ZNF630: variants seen among roughly 807,000 people sequenced by gnomAD.
ZNF630 encodes the protein zinc finger protein 630.
ZNF630 carries 5 observed loss-of-function variants against 7.2 expected under a neutral mutation model. The ratio of observed to expected loss-of-function variants is 0.70; its 90% CI spans 0.36 to 1.46. ZNF630 has a LOEUF of 1.46. ZNF630 is among the 40% of genes most tolerant of loss of function. ZNF630 has a pLI of 0.03. For missense variants in ZNF630, 461 were observed against 477.0 expected (o/e 0.97, Z 0.31); for synonymous variants, 158 against 162.8 (o/e 0.97, Z 0.23).
intron 2 of ZNF630, among the ~76,000 whole-genome samples, chrX:48,063,920 A>G (rs2059118502): frequency 9.0e-6 from 1 of 110,883 alleles, no homozygotes; most frequent in Non-Finnish European, 1.9e-5. Flanking sequence ...TTTGAAAAAT[A>G]CTCTTTAAAT....
chrX:48,059,131 C>T lies in ZNF630; in HGVS notation c.1311G>A (p.Gly437=). 1.7e-6 allele frequency: 2 copies of T among 1,207,863 alleles called. No homozygotes were observed. Among genetic ancestry groups the T allele is most frequent in the Non-Finnish European group, 2.2e-6 (2 of 893,019 alleles). ...GGTGGGACTGTTGGCAGAAAGTTTTCCCACATTCACCACACTTATAGGGCT... is the reference window on the plus strand; with the variant it reads ...GGTGGGACTGTTGGCAGAAAGTTTTTCCACATTCACCACACTTATAGGGCT... ...GEKPYKCGEC[G]KTFCQQSHLI... is the part of the protein sequence containing the mutation. Residue 437 remains glycine, a synonymous_variant, in exon 5 of 5, where the codon GGG becomes GGA. Coordinates refer to ENST00000276054, the MANE Select transcript of ZNF630 (RefSeq NM_001282201.2).
chrX:48,065,497 G>GAGGAAGGA (rs1224208378), intron 2 of ZNF630, among the ~76,000 whole-genome samples: 2 of 103,385 alleles, frequency 1.9e-5, no homozygotes. Context: ...GGGAGGGAGG[G>GAGGAAGGA]AGGAAGGAAG....
chrX:48,062,665 C>T (rs1464120971), intron 2 of ZNF630, among the ~76,000 whole-genome samples: 3 of 111,655 alleles, frequency 2.7e-5, no homozygotes, highest in Admixed American at 9.5e-5. Flanking sequence ...ACCCAGGAGG[C>T]GGAGGATGCA....
At chrX:48,068,597 A>T (rs1413916712) in intron 1 of ZNF630, among the ~76,000 whole-genome samples, 1 of 111,505 alleles carries the variant, frequency 9.0e-6, no homozygotes, top group Non-Finnish European at 1.9e-5. Context: ...TTTTCCAATG[A>T]TAAAAAGTGT....
rs2059101000 is a variant in ZNF630, at chrX:48,060,631, T to C, written c.143-86A>G. The C allele has an allele frequency of 1.8e-5, 17 of 968,151 alleles. No homozygotes were observed. In the South Asian group the frequency reaches 3.0e-4, roughly 17 times the overall value. 79.8% of individuals were successfully genotyped at this position (968,151 alleles called of 1,213,427 possible). On this transcript the variant is annotated intron_variant, in intron 3 of 4. Transcript: ENST00000276054. ...CACTTGCAGGGGCCTCCCAGCAAAG[T>C]TGGATCCTTAACTCACACCATAACA...
intron 2 of ZNF630, among the ~76,000 whole-genome samples, chrX:48,065,552 G>A (rs888845801): frequency 4.6e-5 from 5 of 108,348 alleles, no homozygotes; most frequent in Admixed American, 9.9e-5. Context: ...ACTTGGTGGC[G>A]GGCACTTGTA....
Position 48,057,815 on chromosome X carries a change from G to A in ZNF630, c.*653C>T, listed in dbSNP as rs782601616. Among the ~76,000 whole-genome samples, 4 of 110,912 alleles carry A rather than the reference G, an allele frequency of 3.6e-5. No individual in the cohort carries two copies. The highest frequency in any genetic ancestry group is 7.6e-5 in the Non-Finnish European group (4 of 52,944). On this transcript the variant is annotated 3_prime_UTR_variant, in exon 5 of 5. Coordinates refer to ENST00000276054, the MANE Select transcript of ZNF630 (RefSeq NM_001282201.2). ...TCATGCCTGTAATCCCAGCACTTTG[G>A]GAAGCCGAAGTGGGTGGATCACCTG...
At chrX:48,068,213 GAA>G (rs2059141740) in intron 1 of ZNF630, among the ~76,000 whole-genome samples, 1 of 57,819 alleles carries the variant, frequency 1.7e-5, no homozygotes, top group East Asian at 1.9e-3. Context: ...GAAAAGAAAA[GAA>G]AAGAAAAAAG....
At position 48,071,329 on chromosome X, in the gene ZNF630, G is replaced by A. The variant is rs936228251; in HGVS notation, c.-238C>T. On this transcript the variant is annotated 5_prime_UTR_variant, in exon 1 of 5. Coordinates refer to ENST00000276054, the MANE Select transcript of ZNF630 (RefSeq NM_001282201.2). ...TGCCCAAATGCGTTCAACATCCCCC[G>A]AAAGGCCATTTCCCTTCCAGTCTTC... 5.4e-5 allele frequency: 6 copies of A among 110,727 alleles called. No individual in the cohort carries two copies. Among genetic ancestry groups the A allele is most frequent in the Non-Finnish European group, 9.5e-5 (5 of 52,872 alleles). 9.1% of individuals were successfully genotyped at this position (110,727 alleles called of 1,213,427 possible). A position where few individuals can be genotyped will look rare whatever the true frequency, so the allele number is the denominator to read the frequency against.
rs782573637 is a variant in ZNF630 at position 48,059,238 on chromosome X, G to C, written c.1204C>G (p.Pro402Ala). 12 of 1,208,443 alleles carry C rather than the reference G, an allele frequency of 9.9e-6. No individual in the cohort carries two copies. The highest frequency in any genetic ancestry group is 1.3e-5 in the Non-Finnish European group (12 of 893,183). Residue 402 changes from proline to alanine, a missense_variant, in exon 5 of 5, where the codon CCC (proline) becomes GCC (alanine). Physicochemically the swap from Pro to Ala is conservative, Grantham distance 27 (BLOSUM62 -1). Coordinates refer to ENST00000276054, the MANE Select transcript of ZNF630 (RefSeq NM_001282201.2). The stretch of plus-strand genomic sequence containing the variant: ...TTCCCACATTCAGTACATTCATAGG[G>C]CTTCTTCCCAGTATGAGTTATCTGG... ...IHQITHTGKK[P>A]YECTECGKTF...
chrX:48,061,646 G>A (rs1052246657), intron 2 of ZNF630: 2 of 206,294 alleles, frequency 9.7e-6, no homozygotes, highest in Non-Finnish European at 1.9e-5. Context: ...AAGTGAAGGA[G>A]GTGATTGAAT....
intron 2 of ZNF630, among the ~76,000 whole-genome samples, chrX:48,065,457 G>GAAAGAA (rs1556909921): frequency 0.042 from 3,127 of 74,751 alleles, 75 homozygotes; most frequent in Middle Eastern, 0.084. Context: ...AAGAAAGAAA[G>GAAAGAA]AGAGAGAGAG....
chrX:48,070,526 T>C (rs782114945), intron 1 of ZNF630, among the ~76,000 whole-genome samples: 5 of 105,699 alleles, frequency 4.7e-5, no homozygotes, highest in Non-Finnish European at 7.8e-5. Context: ...GGTAGGATAA[T>C]TGCTAGAACC....
intron 2 of ZNF630, among the ~76,000 whole-genome samples, chrX:48,065,903 A>T (rs2059128735): frequency 9.0e-6 from 1 of 111,465 alleles, no homozygotes; most frequent in African/African-American, 3.3e-5. Context: ...GATCATGATG[A>T]TGATGACGAT....
intron 1 of ZNF630, among the ~76,000 whole-genome samples, chrX:48,068,630 T>C (rs147461170): frequency 0.039 from 4,291 of 111,226 alleles, 85 homozygotes; most frequent in Middle Eastern, 0.074. Flanking sequence ...TCTTAGCTCA[T>C]GGCTGTATTT....
chrX:48,066,855 G>A lies in ZNF630; in HGVS notation c.15+17C>T, dbSNP rs1239540649. On this transcript the variant is annotated intron_variant, in intron 2 of 4. Coordinates refer to ENST00000276054, the MANE Select transcript of ZNF630 (RefSeq NM_001282201.2). ...CATTTTGTTGTGGGAAAACCAAGTGGCAAACAAATAACTTACCTGGGACTC... is the reference window on the plus strand; with the variant it reads ...CATTTTGTTGTGGGAAAACCAAGTGACAAACAAATAACTTACCTGGGACTC... The A allele has an allele frequency of 1.4e-5, 17 of 1,206,365 alleles. No individual in the cohort carries two copies. Among genetic ancestry groups the A allele is most frequent in the Non-Finnish European group, 1.9e-5 (17 of 891,998 alleles).
Position 48,067,333 on chromosome X carries a change from G to A in ZNF630, c.-175-272C>T, listed in dbSNP as rs370549741. Among the ~76,000 whole-genome samples, 211 of 112,078 alleles carry A rather than the reference G, an allele frequency of 1.9e-3. 1 individual carries two copies. The highest frequency in any genetic ancestry group is 9.2e-3 in the Middle Eastern group (2 of 217). ...ATCATGAAAGTTTGAACCCTGACTA[G>A]ATATTTGATAACATTAAGGAATTTA... On this transcript the variant is annotated intron_variant, in intron 1 of 4. Coordinates refer to ENST00000276054, the MANE Select transcript of ZNF630 (RefSeq NM_001282201.2).
chrX:48,059,051 C>T lies in ZNF630; in HGVS notation c.1391G>A (p.Cys464Tyr), dbSNP rs1279667352. 8.3e-6 allele frequency: 10 copies of T among 1,208,434 alleles called. No individual in the cohort carries two copies. Among genetic ancestry groups the T allele is most frequent in the Admixed American group, 2.2e-5 (1 of 45,924 alleles). Residue 464 changes from cysteine (C) to tyrosine (Y), a missense_variant, in exon 5 of 5, where the codon TGT (cysteine) becomes TAT (tyrosine). Coordinates refer to ENST00000276054, the MANE Select transcript of ZNF630 (RefSeq NM_001282201.2). ...TGEKPYVCTD[C>Y]GKAFSQKSHL... ...TGACTTCTGGGAAAAGGCCTTCCCA[C>T]AGTCAGTACACACATAAGGTTTTTC...
rs997582068 is a variant in ZNF630 at position 48,065,548 on chromosome X, T to C, written c.15+1324A>G. Reference sequence around the variant, plus strand: ...GGCACTTGTAATCCCAGCTACTTGGTGGCGGGCACTTGTAATCCCAGCTAC... The same window carrying C: ...GGCACTTGTAATCCCAGCTACTTGGCGGCGGGCACTTGTAATCCCAGCTAC... On this transcript the variant is annotated intron_variant, in intron 2 of 4. Transcript: ENST00000276054. 5.6e-5 allele frequency among the ~76,000 whole-genome samples: 6 copies of C among 106,936 alleles called. No homozygotes were observed. In the South Asian group the frequency reaches 2.5e-3, roughly 45 times the overall value. The allele number at this position is 106,936 out of a possible 115,157, so 92.9% of individuals were successfully genotyped here.
Sources: gnomAD v4.1 joint callset for allele counts (sites outside exome capture counted in the v4.1 genomes callset) on GRCh38, gnomAD v4.1.1 for gene constraint, MANE v1.5 for transcripts, NCBI Gene and HGNC (gene_info 2026-07-23, HGNC 2026-07-21) for gene names.